Variants in HAUS8 observed in about 807,000 individuals in gnomAD.
HAUS8 encodes the protein HAUS augmin like complex subunit 8, also known as HAUS augmin-like complex subunit 8.
Under a neutral mutation model 42.9 loss-of-function variants are expected in HAUS8, and 38 were observed. That is an observed-to-expected ratio of 0.89 (90% CI 0.68 to 1.16). The LOEUF is 1.16. HAUS8 is among the 50% of genes most tolerant of loss of function. The pLI, the probability that HAUS8 is intolerant of heterozygous loss-of-function variation, is 0.00. For missense variants in HAUS8, 494 were observed against 511.6 expected (o/e 0.97, Z 0.33); for synonymous variants, 199 against 205.8 (o/e 0.97, Z 0.28).
At chr19:17,073,112 C>T (rs2057438465) in intron 2 of HAUS8, among the ~76,000 whole-genome samples, 162 bp downstream of exon 2, 2 of 152,178 alleles carry the variant, frequency 1.3e-5, no homozygotes, top group South Asian at 2.1e-4. Context: ...TGACACAGCC[C>T]TCGCCACAGG....
intron 4 of HAUS8, among the ~76,000 whole-genome samples, chr19:17,062,167 C>G (rs2057364764): frequency 6.6e-6 from 1 of 152,220 alleles, no homozygotes; most frequent in South Asian, 2.1e-4. Context: ...GTTGCCCAGG[C>G]TGGCATGCAA....
In HAUS8 at chr19:17,071,191, A is replaced by G. The variant is rs768186548; in HGVS notation, c.91+2083T>C. Among the ~76,000 whole-genome samples the G allele has an allele frequency of 6.6e-5, 10 of 152,272 alleles. No individual in the cohort carries two copies. In the South Asian group the frequency reaches 1.4e-3, roughly 22 times the overall value. ...GTCACACAGCTTGAGAGTTCAGCCA[A>G]GTGAGATTGTGACTTTGACCATATC... On this transcript the variant is annotated intron_variant, in intron 2 of 10. Transcript: ENST00000253669.
chr19:17,072,858 G>A (rs1425393135), intron 2 of HAUS8, among the ~76,000 whole-genome samples: 1 of 147,386 alleles, frequency 6.8e-6, no homozygotes, highest in Non-Finnish European at 1.5e-5. Flanking sequence ...GTTAATGCCT[G>A]TAATCCCAAC....
intron 8 of HAUS8, among the ~76,000 whole-genome samples, chr19:17,056,336 G>A (rs1041034298): frequency 6.6e-6 from 1 of 152,178 alleles, no homozygotes; most frequent in African/African-American, 2.4e-5. Context: ...CCCCAAACAT[G>A]CTGTCTGGGT....
intron 3 of HAUS8, among the ~76,000 whole-genome samples, chr19:17,065,620 G>A (rs951636143): frequency 6.6e-6 from 1 of 152,050 alleles, no homozygotes; most frequent in Non-Finnish European, 1.5e-5. Flanking sequence ...ACGAGGTCAG[G>A]AGTTCGAGAC....
chr19:17,068,582 C>G (rs938125930), intron 3 of HAUS8, among the ~76,000 whole-genome samples: 9 of 152,120 alleles, frequency 5.9e-5, no homozygotes, highest in African/African-American at 1.4e-4. Flanking sequence ...GCCTGGGCAA[C>G]ATAGGGAGAC....
intron 3 of HAUS8, among the ~76,000 whole-genome samples, chr19:17,067,353 G>A (rs1260613909): frequency 6.6e-6 from 1 of 152,118 alleles, no homozygotes; most frequent in Non-Finnish European, 1.5e-5. Flanking sequence ...AGGCAAAAAT[G>A]CAGATTCAGA....
At chr19:17,060,626 T>C (rs2057354635) in intron 4 of HAUS8, among the ~76,000 whole-genome samples, 1 of 152,198 alleles carries the variant, frequency 6.6e-6, no homozygotes, top group South Asian at 2.1e-4. Flanking sequence ...CAGGCTGGTC[T>C]CAAACTCCTG....
intron 4 of HAUS8, among the ~76,000 whole-genome samples, chr19:17,062,201 ACCT>A (rs1388544223): frequency 3.3e-5 from 5 of 151,968 alleles, no homozygotes; most frequent in African/African-American, 1.2e-4. Context: ...GCTCACTGCA[ACCT>A]CCGCCTCCCA....
chr19:17,075,476 G>A (rs1410377418), upstream of HAUS8: 3 of 1,602,184 alleles, frequency 1.9e-6, no homozygotes, highest in South Asian at 1.1e-5. Context: ...AGCCGGACCC[G>A]CCCCCTTGCT....
intron 9 of HAUS8, among the ~76,000 whole-genome samples, chr19:17,054,451 T>G (rs532197862): frequency 6.6e-6 from 1 of 151,906 alleles, no homozygotes; most frequent in African/African-American, 2.4e-5. Flanking sequence ...GCCCAGCAGT[T>G]CTAGATCAGC....
At chr19:17,052,709 G>A in intron 10 of HAUS8, 116 bp downstream of exon 10, 1 of 1,050,498 alleles carries the variant, frequency 9.5e-7, no homozygotes. Flanking sequence ...GCTCGCTCAG[G>A]GGACTGAACC....
At chr19:17,051,016 C>T (rs780066627) in intron 10 of HAUS8, among the ~76,000 whole-genome samples, 17 of 152,056 alleles carry the variant, frequency 1.1e-4, no homozygotes, top group South Asian at 2.1e-4. Flanking sequence ...ACCGAGATCG[C>T]GCCACTGCAC....
At chr19:17,051,228 G>A (rs1299396855) in intron 10 of HAUS8, among the ~76,000 whole-genome samples, 1 of 152,078 alleles carries the variant, frequency 6.6e-6, no homozygotes. Context: ...CCACCCACAG[G>A]AGAAAGAAAT....
At chr19:17,070,720 G>A (rs565192693) in intron 2 of HAUS8, among the ~76,000 whole-genome samples, 120 of 152,242 alleles carry the variant, frequency 7.9e-4, no homozygotes, top group Middle Eastern at 3.4e-3. Context: ...TGTCTCCTTC[G>A]CTCGCTGCTA....
intron 3 of HAUS8, among the ~76,000 whole-genome samples, chr19:17,063,966 A>G (rs1174747103): frequency 6.6e-6 from 1 of 152,084 alleles, no homozygotes; most frequent in Non-Finnish European, 1.5e-5. Flanking sequence ...GTGTAAATAA[A>G]TCTCCTTTTA....
intron 2 of HAUS8, among the ~76,000 whole-genome samples, chr19:17,070,808 G>A (rs1030716405): frequency 2.0e-5 from 3 of 152,226 alleles, no homozygotes; most frequent in South Asian, 2.1e-4. Context: ...AGTGGCTCAC[G>A]CCTGTAATCC....
Position 17,049,877 on chromosome 19 carries a change from G to T in HAUS8, c.1229C>A (p.Ser410Ter). Residue 410 changes from serine (S) to a stop codon, truncating the protein, a stop_gained, in exon 11 of 11, where the codon TCA becomes TAA. Transcript: ENST00000253669. LOFTEE classifies it high-confidence loss of function. ...PSLSRSGRDLS is the reference protein window; with the variant it reads ...PSLSRSGRDL ...TATCCTGAATGTAACCATGAGTCAT[G>T]ACAAGTCCCTCCCTGAACGAGAGAG... 3 of 1,485,862 alleles carry T rather than the reference G, an allele frequency of 2.0e-6. No individual in the cohort carries two copies. Among genetic ancestry groups the T allele is most frequent in the South Asian group, 2.9e-5 (2 of 69,462 alleles). 92.0% of individuals were successfully genotyped at this position (1,485,862 alleles called of 1,614,324 possible).
At chr19:17,057,712 G>A (rs781776581) in intron 8 of HAUS8, among the ~76,000 whole-genome samples, 1 of 152,094 alleles carries the variant, frequency 6.6e-6, no homozygotes, top group South Asian at 2.1e-4. Flanking sequence ...GTTAGGGGTT[G>A]AGCTGTATCC....
Sources: gnomAD v4.1 joint callset for allele counts (sites outside exome capture counted in the v4.1 genomes callset) on GRCh38, gnomAD v4.1.1 for gene constraint, MANE v1.5 for transcripts, NCBI Gene and HGNC (gene_info 2026-07-23, HGNC 2026-07-21) for gene names.